DLG2: variants seen among roughly 807,000 people sequenced by gnomAD.
The protein encoded by DLG2 is disks large homolog 2.
A neutral mutation model predicts 132.5 loss-of-function variants in DLG2; 45 were observed. That is an observed-to-expected ratio of 0.34 (90% CI 0.27 to 0.44). DLG2 has a LOEUF of 0.44. Ranked by LOEUF, DLG2 falls within the 20% of genes least tolerant of loss-of-function variation. The probability of loss-of-function intolerance (pLI) is 1.00; values close to 1 mark genes in which losing one functional copy is unlikely to be tolerated. For synonymous variants in DLG2, 424 were observed against 419.6 expected (o/e 1.01, Z -0.13); for missense variants, 1,045 against 1,196.9 (o/e 0.87, Z 1.87).
chr11:84,652,763 C>T (rs964887708), intron 6 of DLG2, among the ~76,000 whole-genome samples: 4 of 152,102 alleles, frequency 2.6e-5, no homozygotes, highest in Non-Finnish European at 4.4e-5. Flanking sequence ...TTAGACCCAT[C>T]TTACAGATGA....
At chr11:84,174,851 T>C (rs1211714207) in intron 8 of DLG2, among the ~76,000 whole-genome samples, 1 of 152,240 alleles carries the variant, frequency 6.6e-6, no homozygotes, top group Non-Finnish European at 1.5e-5. Context: ...CTATTGCTAC[T>C]ACTGGATTTT....
At chr11:85,535,169 T>C (rs1030822168) in intron 3 of DLG2, among the ~76,000 whole-genome samples, 2 of 152,176 alleles carry the variant, frequency 1.3e-5, no homozygotes, top group African/African-American at 4.8e-5. Context: ...AAGGAAAATA[T>C]AGGGAGATTT....
At chr11:85,143,282 T>A (rs2076615077) in intron 5 of DLG2, among the ~76,000 whole-genome samples, 1 of 151,820 alleles carries the variant, frequency 6.6e-6, no homozygotes, top group Non-Finnish European at 1.5e-5. Context: ...CTTGGTAGGT[T>A]GTATGTGTCT....
At chr11:84,098,096 G>A (rs944544436) in intron 10 of DLG2, among the ~76,000 whole-genome samples, 6 of 148,776 alleles carry the variant, frequency 4.0e-5, no homozygotes, top group African/African-American at 1.0e-4. Flanking sequence ...TCACCCAGGC[G>A]GGAGTGCAGT....
At chr11:85,450,253 C>A (rs2092188498) in intron 3 of DLG2, among the ~76,000 whole-genome samples, 1 of 152,132 alleles carries the variant, frequency 6.6e-6, no homozygotes, top group East Asian at 1.9e-4. Flanking sequence ...TACCTTCTTG[C>A]CAAGTTGTCT....
intron 11 of DLG2, among the ~76,000 whole-genome samples, chr11:84,007,805 T>A (rs894170014): frequency 6.6e-6 from 1 of 151,660 alleles, no homozygotes; most frequent in Non-Finnish European, 1.5e-5. Context: ...TCTCTGAGAA[T>A]CAGTTTTATC....
intron 7 of DLG2, among the ~76,000 whole-genome samples, chr11:84,315,907 A>G (rs1047312965): frequency 2.6e-5 from 4 of 152,156 alleles, no homozygotes; most frequent in African/African-American, 9.7e-5. Flanking sequence ...CTATGCTAAA[A>G]TCATATTAAA....
chr11:83,899,206 A>AT (rs1455973437), intron 15 of DLG2, among the ~76,000 whole-genome samples: 1 of 152,054 alleles, frequency 6.6e-6, no homozygotes, highest in African/African-American at 2.4e-5. Context: ...AATTCCTGAG[A>AT]TTTTTCTCCG....
chr11:85,218,431 A>G (rs1415240159), intron 4 of DLG2, among the ~76,000 whole-genome samples: 2 of 152,220 alleles, frequency 1.3e-5, no homozygotes, highest in African/African-American at 4.8e-5. Flanking sequence ...TCTGAAAAGA[A>G]GATATACAAG....
chr11:84,113,983 T>C (rs2093495913), intron 9 of DLG2, among the ~76,000 whole-genome samples: 1 of 152,044 alleles, frequency 6.6e-6, no homozygotes, highest in Non-Finnish European at 1.5e-5. Flanking sequence ...TATAAAGATA[T>C]GAGAATCCAA....
At chr11:85,105,394 G>C (rs1342730533) in intron 6 of DLG2, among the ~76,000 whole-genome samples, 2 of 151,866 alleles carry the variant, frequency 1.3e-5, no homozygotes, top group East Asian at 3.9e-4. Flanking sequence ...CAGAGCTTAG[G>C]GAAAAGAGCA....
chr11:85,559,991 A>G (rs192825636), intron 3 of DLG2, among the ~76,000 whole-genome samples: 16 of 151,740 alleles, frequency 1.1e-4, no homozygotes, highest in Admixed American at 1.1e-3. Flanking sequence ...TAGTAACACA[A>G]GCTATGAGAA....
intron 6 of DLG2, among the ~76,000 whole-genome samples, chr11:84,535,213 A>C (rs1311704910): frequency 6.6e-6 from 1 of 152,224 alleles, no homozygotes; most frequent in Non-Finnish European, 1.5e-5. Flanking sequence ...TTTTGAAATG[A>C]GGAAAAAATT....
intron 19 of DLG2, among the ~76,000 whole-genome samples, chr11:83,629,232 C>T (rs1215348357): frequency 1.3e-5 from 2 of 152,156 alleles, no homozygotes; most frequent in Admixed American, 6.6e-5. Context: ...ATGACTGTTA[C>T]TGCTGCGTCC....
At chr11:84,309,756 T>TA (rs903140491) in intron 7 of DLG2, among the ~76,000 whole-genome samples, 1 of 152,176 alleles carries the variant, frequency 6.6e-6, no homozygotes, top group African/African-American at 2.4e-5. Flanking sequence ...GCATGATGGA[T>TA]ACATAGGGAG....
intron 6 of DLG2, among the ~76,000 whole-genome samples, chr11:85,061,739 T>C (rs960560080): frequency 6.6e-6 from 1 of 151,924 alleles, no homozygotes; most frequent in African/African-American, 2.4e-5. Flanking sequence ...ATGTGTACTG[T>C]ATTTTTCTCA....
chr11:85,209,445 CTTT>C (rs1164394816), intron 4 of DLG2, among the ~76,000 whole-genome samples: 14 of 74,434 alleles, frequency 1.9e-4, no homozygotes, highest in Non-Finnish European at 2.8e-4. Flanking sequence ...AGAAATCAGT[CTTT>C]TTTTTTTTTT....
chr11:83,885,661 T>C (rs1030626664), intron 15 of DLG2, among the ~76,000 whole-genome samples: 3 of 151,904 alleles, frequency 2.0e-5, no homozygotes, highest in Non-Finnish European at 4.4e-5. Context: ...TTCACCAAAG[T>C]TGAAATGAAG....
intron 6 of DLG2, among the ~76,000 whole-genome samples, chr11:84,927,063 C>T (rs1297715931): frequency 6.6e-6 from 1 of 152,094 alleles, no homozygotes; most frequent in South Asian, 2.1e-4. Context: ...TGAATTTAAA[C>T]CTATCTACAT....
Sources: gnomAD v4.1 joint callset for allele counts (sites outside exome capture counted in the v4.1 genomes callset) on GRCh38, gnomAD v4.1.1 for gene constraint, MANE v1.5 for transcripts, NCBI Gene and HGNC (gene_info 2026-07-23, HGNC 2026-07-21) for gene names.